The following TTC29 variants were observed in gnomAD, a reference collection of about 807,000 sequenced individuals.
The protein encoded by TTC29 is tetratricopeptide repeat protein 29.
TTC29 carries 49 observed loss-of-function variants against 58.1 expected under a neutral mutation model. The ratio of observed to expected loss-of-function variants is 0.84; its 90% CI spans 0.67 to 1.07. TTC29 has a LOEUF of 1.07. Ranked by LOEUF, TTC29 falls within the 50% of genes least tolerant of loss-of-function variation. TTC29 has a pLI of 0.00. For synonymous variants in TTC29, 209 were observed against 196.8 expected, an observed-to-expected ratio of 1.06 and a Z score of -0.52; for missense variants, 582 against 555.6, an observed-to-expected ratio of 1.05 and a Z score of -0.48.
chr4:146,745,998 G>T (rs1745513705), intron 11 of TTC29, among the ~76,000 whole-genome samples: 2 of 152,146 alleles, frequency 1.3e-5, no homozygotes, highest in South Asian at 4.1e-4. Context: ...GAGATACTTT[G>T]CTTTCTATAT....
intron 11 of TTC29, among the ~76,000 whole-genome samples, chr4:146,754,613 A>G (rs1455333048): frequency 6.6e-6 from 1 of 152,212 alleles, no homozygotes; most frequent in Admixed American, 6.5e-5. Flanking sequence ...AGGCTGGTTT[A>G]ACATATGCAA....
chr4:146,777,301 C>CAAAG (rs1469623869), intron 11 of TTC29, among the ~76,000 whole-genome samples: 1 of 152,134 alleles, frequency 6.6e-6, no homozygotes, highest in Non-Finnish European at 1.5e-5. Flanking sequence ...AATCAAAGCA[C>CAAAG]AAAGAGTTGT....
At chr4:146,715,460 A>C (rs1354438551) in intron 11 of TTC29, among the ~76,000 whole-genome samples, 1 of 152,196 alleles carries the variant, frequency 6.6e-6, no homozygotes, top group African/African-American at 2.4e-5. Flanking sequence ...GTCATTTGCC[A>C]CCACAGAAAT....
chr4:146,779,042 G>A (rs892389704), intron 11 of TTC29, among the ~76,000 whole-genome samples: 7 of 145,322 alleles, frequency 4.8e-5, no homozygotes, highest in Non-Finnish European at 1.0e-4. Context: ...TAAGACTTAC[G>A]GGCTAGACAA....
chr4:146,871,042 ATAAAC>A (rs950927009), intron 7 of TTC29, among the ~76,000 whole-genome samples: 1 of 151,982 alleles, frequency 6.6e-6, no homozygotes, highest in African/African-American at 2.4e-5. Flanking sequence ...AAAGAAAACT[ATAAAC>A]TAATGTCCCC....
intron 3 of TTC29, among the ~76,000 whole-genome samples, chr4:146,938,972 C>G (rs1024545808): frequency 6.6e-6 from 1 of 152,152 alleles, no homozygotes; most frequent in Non-Finnish European, 1.5e-5. Flanking sequence ...CTCTGTCCTG[C>G]ATTTCCTCAG....
intron 11 of TTC29, among the ~76,000 whole-genome samples, chr4:146,786,328 C>A (rs1311429545): frequency 6.6e-6 from 1 of 152,186 alleles, no homozygotes; most frequent in African/African-American, 2.4e-5. Flanking sequence ...AATAATTACG[C>A]CTGTGTTTGA....
At chr4:146,731,349 C>T (rs548668942) in intron 11 of TTC29, among the ~76,000 whole-genome samples, 10 of 151,734 alleles carry the variant, frequency 6.6e-5, no homozygotes, top group Non-Finnish European at 1.3e-4. Context: ...GAGAACGAAC[C>T]AGGGAAATAC....
In TTC29 at chr4:146,874,867, T is replaced by C. The variant is rs1371383790; in HGVS notation, c.648A>G (p.Ile216Met). ...EAFHQLTQGR[I>M]WKDETGRSLN... is the part of the protein sequence containing the mutation. ...GAGAGCGGCCTGTCTCATCCTTCCA[T>C]ATCCGCCCCTGTGTCAATTGATGGA... Residue 216 changes from isoleucine to methionine, a missense_variant, in exon 7 of 13, where the codon ATA (isoleucine) becomes ATG (methionine). By Grantham distance (10) the Ile-to-Met change is conservative. Coordinates refer to ENST00000325106, the MANE Select transcript of TTC29 (RefSeq NM_031956.4). 1.9e-6 allele frequency: 3 copies of C among 1,613,406 alleles called. No homozygotes were observed. Among genetic ancestry groups the C allele is most frequent in the African/African-American group, 2.7e-5 (2 of 74,894 alleles).
intron 8 of TTC29, among the ~76,000 whole-genome samples, chr4:146,836,818 T>C (rs1318991603): frequency 6.6e-6 from 1 of 152,060 alleles, no homozygotes; most frequent in Non-Finnish European, 1.5e-5. Flanking sequence ...TGAGTTGGGA[T>C]GGCTATTATC....
At chr4:146,909,327 T>C in intron 4 of TTC29, 78 bp from the exon 5 acceptor site, 1 of 1,157,608 alleles carries the variant, frequency 8.6e-7, no homozygotes, top group South Asian at 1.4e-5. Context: ...CTCTAATAAT[T>C]AAAGGTTGAA....
At chr4:146,792,716 G>A (rs1187143546) in intron 11 of TTC29, among the ~76,000 whole-genome samples, 8 of 152,076 alleles carry the variant, frequency 5.3e-5, no homozygotes, top group African/African-American at 1.9e-4. Flanking sequence ...ATTTTGTAAG[G>A]CTTTAGCTTC....
At chr4:146,751,901 G>A (rs1387959562) in intron 11 of TTC29, among the ~76,000 whole-genome samples, 1 of 151,904 alleles carries the variant, frequency 6.6e-6, no homozygotes, top group Non-Finnish European at 1.5e-5. Context: ...ACTAAGACCT[G>A]TTTTTTTGAG....
At chr4:146,711,672 T>C (rs17021803) in intron 11 of TTC29, among the ~76,000 whole-genome samples, 3,485 of 152,236 alleles carry the variant, frequency 0.023, 139 homozygotes, top group African/African-American at 0.078. Context: ...AACGATGAGA[T>C]GTTTTGTTTT....
intron 6 of TTC29, among the ~76,000 whole-genome samples, chr4:146,880,937 G>A (rs1293948705): frequency 6.6e-6 from 1 of 151,968 alleles, no homozygotes; most frequent in Admixed American, 6.6e-5. Flanking sequence ...TTACTTGAAG[G>A]GGGAGGGAAA....
chr4:146,862,005 C>T lies in TTC29; in HGVS notation c.885+5493G>A, dbSNP rs181230338. ...AAGGAAAGGAAAACGCTAAACCTAA[C>T]ACGACAAAGCTGTTTCTGAGCCTTC... On this transcript the variant is annotated intron_variant, in intron 8 of 12. Transcript: ENST00000325106. 2.1e-3 allele frequency among the ~76,000 whole-genome samples: 323 copies of T among 152,136 alleles called. 2 individuals carry two copies. Among genetic ancestry groups the T allele is most frequent in the Non-Finnish European group, 3.6e-3 (245 of 67,982 alleles).
chr4:146,715,948 AATG>A (rs1742899555), intron 11 of TTC29, among the ~76,000 whole-genome samples: 1 of 152,202 alleles, frequency 6.6e-6, no homozygotes, highest in Admixed American at 6.5e-5. Flanking sequence ...CTATGTGTTA[AATG>A]ATCTAATGTC....
intron 11 of TTC29, among the ~76,000 whole-genome samples, chr4:146,708,850 G>A (rs910206020): frequency 1.3e-5 from 2 of 151,828 alleles, no homozygotes; most frequent in African/African-American, 4.8e-5. Context: ...ACAGAAATTT[G>A]TCTCTTCTCT....
At chr4:146,844,771 T>C (rs1360946675) in intron 8 of TTC29, among the ~76,000 whole-genome samples, 1 of 152,200 alleles carries the variant, frequency 6.6e-6, no homozygotes, top group Non-Finnish European at 1.5e-5. Context: ...GCCAATTCAT[T>C]GGCAGTCCAG....
Sources: allele counts gnomAD v4.1 joint callset (sites outside exome capture counted in the v4.1 genomes callset), GRCh38; gene constraint gnomAD v4.1.1; transcripts MANE v1.5; gene names NCBI Gene and HGNC (gene_info 2026-07-23, HGNC 2026-07-21).